The following FASTKD2 variants were observed in gnomAD, a reference collection of about 807,000 sequenced individuals.
The protein encoded by FASTKD2 is FAST kinase domains 2, also known as FAST kinase domain-containing protein 2, mitochondrial.
A neutral mutation model predicts 63.6 loss-of-function variants in FASTKD2; 51 were observed. The ratio of observed to expected loss-of-function variants is 0.80; its 90% CI spans 0.64 to 1.01. The LOEUF (loss-of-function observed/expected upper bound fraction) is 1.01. Ranked by LOEUF, FASTKD2 falls within the 50% of genes least tolerant of loss-of-function variation. FASTKD2 has a pLI of 0.00. For synonymous variants in FASTKD2, 284 were observed against 293.4 expected (o/e 0.97, Z 0.33); for missense variants, 786 against 831.1 (o/e 0.95, Z 0.67).
chr2:206,771,628 G>A (rs913274954), intron 4 of FASTKD2, among the ~76,000 whole-genome samples: 3 of 139,202 alleles, frequency 2.2e-5, no homozygotes, highest in Non-Finnish European at 3.0e-5. Context: ...ACCAGCCTGG[G>A]TGACTGAGCA....
At chr2:206,787,885 T>C (rs1377564959) in intron 8 of FASTKD2, 52 bp from the exon 9 acceptor site, 3 of 970,696 alleles carry the variant, frequency 3.1e-6, no homozygotes, top group African/African-American at 3.2e-5. Context: ...TATAGTTTTT[T>C]AATGTTGCAT....
At position 206,795,359 on chromosome 2, in the gene FASTKD2, G is replaced by A. The variant is rs546525883; in HGVS notation, c.*3557G>A. Among the ~76,000 whole-genome samples the A allele has an allele frequency of 6.6e-5, 10 of 152,222 alleles. No individual in the cohort carries two copies. Among genetic ancestry groups the A allele is most frequent in the Non-Finnish European group, 1.3e-4 (9 of 67,994 alleles). On this transcript the variant is annotated 3_prime_UTR_variant, in exon 12 of 12. Transcript: ENST00000402774. ...AGCCATTCTCCTGCCTCAGCCTCCC[G>A]AGTAGCTGGGACTACAGGTGCCCAC...
intron 7 of FASTKD2, among the ~76,000 whole-genome samples, chr2:206,780,082 T>C (rs1689930620): frequency 1.3e-5 from 2 of 152,284 alleles, no homozygotes; most frequent in South Asian, 4.2e-4. Flanking sequence ...GTATATCCAT[T>C]AGCAAATTTT....
rs1179126274 is a variant in FASTKD2, at chr2:206,792,374, CAGATG to C, written c.*578_*582del. The C allele has an allele frequency of 6.4e-6, 1 of 155,690 alleles. No homozygotes were observed. The allele number at this position is 155,690 out of a possible 1,614,324, so 9.6% of individuals were successfully genotyped here. A position where few individuals can be genotyped will look rare whatever the true frequency, so the allele number is the denominator to read the frequency against. On this transcript the variant is annotated 3_prime_UTR_variant, in exon 12 of 12. Transcript: ENST00000402774. ...TTCATGGGTTATAATAAGAGAAACA[CAGATG>C]AGATGTAGATGGTAAGGAGTCTTAC... is the stretch of plus-strand genomic sequence containing the variant.
intron 7 of FASTKD2, among the ~76,000 whole-genome samples, chr2:206,780,127 A>G (rs1689932219): frequency 6.6e-6 from 1 of 152,136 alleles, no homozygotes; most frequent in East Asian, 1.9e-4. Context: ...TTTTTTTAAC[A>G]TTTATACTAG....
At chr2:206,790,502 G>A (rs1690254149) in intron 10 of FASTKD2, 70 bp from the exon 11 acceptor site, 6 of 941,798 alleles carry the variant, frequency 6.4e-6, no homozygotes, top group South Asian at 5.2e-5. Flanking sequence ...AATCTCCAGA[G>A]AACAAGAATG....
chr2:206,786,642 A>G (rs562427019), intron 7 of FASTKD2, 91 bp from the exon 8 acceptor site: 1 of 1,122,658 alleles, frequency 8.9e-7, no homozygotes, highest in African/African-American at 1.5e-5. Context: ...ACTTACTTGC[A>G]AGGCTGATTT....
intron 11 of FASTKD2, 43 bp downstream of exon 11, chr2:206,790,729 T>C (rs1690262298): frequency 1.8e-6 from 2 of 1,134,946 alleles, no homozygotes; most frequent in South Asian, 1.2e-5. Context: ...ATTACTGATG[T>C]ACATTCTAAC....
In FASTKD2 at chr2:206,784,032, C is replaced by A. The variant is rs906314482; in HGVS notation, c.1428-2701C>A. On this transcript the variant is annotated intron_variant, in intron 7 of 11. Coordinates refer to ENST00000402774, the MANE Select transcript of FASTKD2 (RefSeq NM_001136193.2). The stretch of plus-strand genomic sequence containing the variant: ...TAGTGCTGAGATTGAGAAACCCTTA[C>A]CTAATTCTAAGCCTCCCACCTCAAC... 8.5e-5 allele frequency among the ~76,000 whole-genome samples: 13 copies of A among 152,322 alleles called. No homozygotes were observed. In the South Asian group the frequency reaches 2.1e-3, roughly 24 times the overall value.
chr2:206,768,327 T>C (rs1283932330), intron 2 of FASTKD2, among the ~76,000 whole-genome samples: 1 of 152,100 alleles, frequency 6.6e-6, no homozygotes, highest in Non-Finnish European at 1.5e-5. Context: ...TGGTGCCAAA[T>C]GTAAGGAAGG....
chr2:206,774,481 C>T, intron 7 of FASTKD2, 84 bp downstream of exon 7: 1 of 847,734 alleles, frequency 1.2e-6, no homozygotes, highest in African/African-American at 1.7e-5. Flanking sequence ...TGAATTATTA[C>T]AAGTGAACAC....
chr2:206,790,179 G>A (rs760211383), intron 10 of FASTKD2: 1 of 175,780 alleles, frequency 5.7e-6, no homozygotes, highest in African/African-American at 2.4e-5. Flanking sequence ...GATGATATGT[G>A]TAAGAAGAGC....
In FASTKD2 at chr2:206,771,249, A is replaced by G. The variant is rs1574663943; in HGVS notation, c.949A>G (p.Ile317Val). Residue 317 changes from isoleucine (I) to valine (V), a missense_variant, in exon 4 of 12, where the codon ATT (isoleucine) becomes GTT (valine). Ile to Val is a conservative substitution (Grantham distance 29, BLOSUM62 3). Coordinates refer to ENST00000402774, the MANE Select transcript of FASTKD2 (RefSeq NM_001136193.2). ...CACATTACAAGTTGTGATGAAGTGT[A>G]TTGGAAAAGATGCACCGATTGCTCT... ...VFTLQVVMKC[I>V]GKDAPIALKR... is the part of the protein sequence containing the mutation. The G allele has an allele frequency of 1.9e-6, 3 of 1,611,812 alleles. No individual in the cohort carries two copies. The highest frequency in any genetic ancestry group is 2.2e-5 in the East Asian group (1 of 44,808).
At chr2:206,779,683 G>T (rs1008144915) in intron 7 of FASTKD2, among the ~76,000 whole-genome samples, 1 of 152,180 alleles carries the variant, frequency 6.6e-6, no homozygotes, top group Admixed American at 6.5e-5. Flanking sequence ...ATTAAAATTT[G>T]AGATGAGATT....
intron 7 of FASTKD2, among the ~76,000 whole-genome samples, chr2:206,776,310 A>T (rs1179856954): frequency 1.3e-5 from 2 of 152,002 alleles, no homozygotes; most frequent in African/African-American, 4.8e-5. Flanking sequence ...ATTTTCTCCC[A>T]TTCTGTAGGT....
At chr2:206,769,655 T>C (rs1445269089) in intron 2 of FASTKD2, among the ~76,000 whole-genome samples, 6 of 152,148 alleles carry the variant, frequency 3.9e-5, no homozygotes, top group Non-Finnish European at 7.4e-5. Context: ...CTAGGGAAAT[T>C]GTAAAGGCAC....
At chr2:206,790,201 G>A (rs1690245825) in intron 10 of FASTKD2, 1 of 191,014 alleles carries the variant, frequency 5.2e-6, no homozygotes, top group Non-Finnish European at 1.1e-5. Context: ...TTTACTATTT[G>A]GTATTATTTA....
chr2:206,779,333 T>C (rs1295778060), intron 7 of FASTKD2, among the ~76,000 whole-genome samples: 1 of 152,220 alleles, frequency 6.6e-6, no homozygotes, highest in Non-Finnish European at 1.5e-5. Context: ...TTTTAATCCA[T>C]TCAGCCATTT....
In FASTKD2 at chr2:206,774,319, C is replaced by T. The variant is rs143772895; in HGVS notation, c.1349C>T (p.Ser450Phe). 1.2e-6 allele frequency: 2 copies of T among 1,602,502 alleles called. No homozygotes were observed. Among genetic ancestry groups the T allele is most frequent in the Non-Finnish European group, 1.7e-6 (2 of 1,170,002 alleles). Residue 450 changes from serine to phenylalanine, a missense_variant, in exon 7 of 12, where the codon TCC (serine) becomes TTC (phenylalanine). By Grantham distance (155) the Ser-to-Phe change is radical (BLOSUM62 -2). Coordinates refer to ENST00000402774, the MANE Select transcript of FASTKD2 (RefSeq NM_001136193.2). ...AAGAGAATAGTAGAGGATCCTGAAT[C>T]CCTAAACATGAAAAACATTCTATCT... ...FMKRIVEDPE[S>F]LNMKNILSIL...
Sources: gnomAD v4.1 joint callset for allele counts (sites outside exome capture counted in the v4.1 genomes callset) on GRCh38, gnomAD v4.1.1 for gene constraint, MANE v1.5 for transcripts, NCBI Gene and HGNC (gene_info 2026-07-23, HGNC 2026-07-21) for gene names.